NOL4: variants seen among roughly 807,000 people sequenced by gnomAD.
NOL4 encodes nucleolar protein 4.
In NOL4, 17 loss-of-function variants were observed where a neutral mutation model predicts 75.9. The observed-to-expected ratio is 0.22, with a 90% CI of 0.15 to 0.34. NOL4 has a LOEUF of 0.34. Among genes scored for constraint, NOL4 ranks in the 10% least tolerant of loss-of-function variants. The pLI is 1.00. For missense variants in NOL4, 614 were observed against 793.5 expected, an observed-to-expected ratio of 0.77 and a Z score of 2.72; for synonymous variants, 292 against 289.9, an observed-to-expected ratio of 1.01 and a Z score of -0.07.
At chr18:34,139,546 C>A (rs866699096) in intron 1 of NOL4, among the ~76,000 whole-genome samples, 2 of 151,860 alleles carry the variant, frequency 1.3e-5, no homozygotes, top group Non-Finnish European at 2.9e-5. Context: ...TTTTTTATTG[C>A]GTCTATTTGA....
At chr18:34,014,022 C>T (rs62097842) in intron 6 of NOL4, among the ~76,000 whole-genome samples, 59,562 of 151,394 alleles carry the variant, frequency 0.39, 12,281 homozygotes, top group Non-Finnish European at 0.46. Context: ...ATAACAAAGA[C>T]AAAGATAATA....
intron 5 of NOL4, among the ~76,000 whole-genome samples, chr18:34,092,455 C>T (rs1266786676): frequency 2.0e-5 from 3 of 152,104 alleles, no homozygotes; most frequent in Non-Finnish European, 1.5e-5. Context: ...AAAAGCCCCT[C>T]TGTTCTTGGA....
intron 2 of NOL4, among the ~76,000 whole-genome samples, chr18:34,117,031 A>G (rs187977470): frequency 9.2e-5 from 14 of 152,344 alleles, no homozygotes; most frequent in African/African-American, 2.9e-4. Flanking sequence ...ATTCTCGTTA[A>G]TTACATGACA....
rs2037497082 is a variant in NOL4 at position 34,224,466 on chromosome 18, CT to C, written c.-1214del. The stretch of plus-strand genomic sequence containing the variant: ...AAGTCAGCAGTTGCTCCATTCAGGA[CT>C]TCCATCCATTTGTTTCCAGAGCTGG... On this transcript the variant is annotated 5_prime_UTR_variant, in exon 1 of 11. The change abolishes the stop of an existing upstream ORF in the 5' untranslated region. Coordinates refer to ENST00000261592, the MANE Select transcript of NOL4 (RefSeq NM_003787.5). The C allele has an allele frequency of 6.6e-6, 1 of 152,346 alleles. No homozygotes were observed. Among genetic ancestry groups the C allele is most frequent in the Non-Finnish European group, 1.5e-5 (1 of 68,180 alleles). The allele number at this position is 152,346 out of a possible 1,614,324, so 9.4% of individuals were successfully genotyped here.
At chr18:34,112,194 C>A (rs978266820) in intron 2 of NOL4, among the ~76,000 whole-genome samples, 3 of 151,900 alleles carry the variant, frequency 2.0e-5, no homozygotes, top group Non-Finnish European at 4.4e-5. Flanking sequence ...CATGATGAAA[C>A]CTTATCTCTA....
chr18:34,113,998 T>C (rs1439966293), intron 2 of NOL4, among the ~76,000 whole-genome samples: 1 of 152,214 alleles, frequency 6.6e-6, no homozygotes, highest in Non-Finnish European at 1.5e-5. Flanking sequence ...AATATCTTTC[T>C]CGCAATATGT....
intron 1 of NOL4, among the ~76,000 whole-genome samples, chr18:34,207,781 A>C (rs531717756): frequency 3.9e-5 from 6 of 152,260 alleles, no homozygotes; most frequent in African/African-American, 1.2e-4. Flanking sequence ...GAAAAAGAGA[A>C]TCTCACACAC....
chr18:34,047,398 A>G (rs34761237), intron 5 of NOL4, among the ~76,000 whole-genome samples: 25,185 of 152,118 alleles, frequency 0.17, 2,457 homozygotes, highest in East Asian at 0.33. Context: ...ATAAATATAT[A>G]AACATGATGG....
chr18:34,008,905 T>C (rs1012856155), intron 6 of NOL4, among the ~76,000 whole-genome samples: 1 of 152,014 alleles, frequency 6.6e-6, no homozygotes, highest in East Asian at 1.9e-4. Flanking sequence ...ATAAGATCAA[T>C]GCAACATATT....
intron 5 of NOL4, among the ~76,000 whole-genome samples, chr18:34,060,047 G>T (rs1316192912): frequency 1.3e-5 from 2 of 152,150 alleles, no homozygotes; most frequent in Non-Finnish European, 2.9e-5. Context: ...AGCATCACCA[G>T]CTAAGCTGTG....
chr18:34,092,584 A>C (rs1199153338), intron 5 of NOL4, among the ~76,000 whole-genome samples: 1 of 152,202 alleles, frequency 6.6e-6, no homozygotes, highest in Non-Finnish European at 1.5e-5. Context: ...CTGTCAGAGA[A>C]AGCAAAGATT....
intron 10 of NOL4, among the ~76,000 whole-genome samples, chr18:33,883,000 GA>G (rs2064390484): frequency 6.6e-6 from 1 of 151,912 alleles, no homozygotes; most frequent in Non-Finnish European, 1.5e-5. Context: ...GGTGGGAATT[GA>G]ACAATGAGAA....
At chr18:34,001,941 G>A (rs1446717797) in intron 6 of NOL4, 1 of 152,162 alleles carries the variant, frequency 6.6e-6, no homozygotes, top group Non-Finnish European at 1.5e-5. Flanking sequence ...GACTAGGAGA[G>A]GCAATTATCT....
intron 10 of NOL4, among the ~76,000 whole-genome samples, chr18:33,854,381 G>A (rs151144355): frequency 6.6e-6 from 1 of 152,176 alleles, no homozygotes; most frequent in African/African-American, 2.4e-5. Context: ...TTCCACTTCT[G>A]TAGTGGCCTT....
chr18:33,984,770 C>T (rs1481219150), intron 6 of NOL4, among the ~76,000 whole-genome samples: 1 of 152,058 alleles, frequency 6.6e-6, no homozygotes, highest in South Asian at 2.1e-4. Context: ...TTCCTTATAG[C>T]AGTACAAGAA....
At chr18:33,873,381 A>G (rs1051726569) in intron 10 of NOL4, among the ~76,000 whole-genome samples, 5 of 152,008 alleles carry the variant, frequency 3.3e-5, no homozygotes, top group Non-Finnish European at 7.4e-5. Context: ...TGTAAGCTAA[A>G]GAAGAAAAGC....
At chr18:34,186,293 C>CA (rs1568430305) in intron 1 of NOL4, among the ~76,000 whole-genome samples, 2 of 152,068 alleles carry the variant, frequency 1.3e-5, no homozygotes, top group African/African-American at 2.4e-5. Flanking sequence ...AACAAACAAA[C>CA]AACAACAACA....
At chr18:34,176,342 A>G (rs962623855) in intron 1 of NOL4, among the ~76,000 whole-genome samples, 12 of 152,092 alleles carry the variant, frequency 7.9e-5, no homozygotes, top group Non-Finnish European at 1.8e-4. Context: ...GCAAGATATC[A>G]TCAATCAGTC....
At chr18:33,866,124 G>T (rs1428047685) in intron 10 of NOL4, among the ~76,000 whole-genome samples, 1 of 152,092 alleles carries the variant, frequency 6.6e-6, no homozygotes, top group Non-Finnish European at 1.5e-5. Context: ...AGCATTTGCA[G>T]GTTAAATTAG....
Sources: allele counts gnomAD v4.1 joint callset (sites outside exome capture counted in the v4.1 genomes callset), GRCh38; gene constraint gnomAD v4.1.1; transcripts MANE v1.5; gene names NCBI Gene and HGNC (gene_info 2026-07-23, HGNC 2026-07-21).